The following DOCK2 variants were observed in gnomAD, a reference collection of about 807,000 sequenced individuals.
DOCK2 encodes dedicator of cytokinesis 2.
Under a neutral mutation model 248.9 loss-of-function variants are expected in DOCK2, and 87 were observed. The observed-to-expected ratio is 0.35, with a 90% CI of 0.29 to 0.42. The LOEUF (loss-of-function observed/expected upper bound fraction) is 0.42. Ranked by LOEUF, DOCK2 falls within the 10% of genes least tolerant of loss-of-function variation. The pLI, the probability that DOCK2 is intolerant of heterozygous loss-of-function variation, is 1.00. For missense variants in DOCK2, 1,747 were observed against 2,300.2 expected (o/e 0.76, Z 4.92); for synonymous variants, 805 against 821.6 (o/e 0.98, Z 0.35).
chr5:170,029,245 A>G (rs1756038669), intron 34 of DOCK2, among the ~76,000 whole-genome samples: 5 of 152,216 alleles, frequency 3.3e-5, no homozygotes, highest in African/African-American at 1.2e-4. Flanking sequence ...ACTTGTTAAT[A>G]TCTGTCTTAT....
At chr5:169,806,772 G>A (rs575623103) in intron 26 of DOCK2, among the ~76,000 whole-genome samples, 7 of 152,052 alleles carry the variant, frequency 4.6e-5, no homozygotes, top group Non-Finnish European at 8.8e-5. Context: ...AAAGGCCCCA[G>A]ACCCAGTCAC....
At chr5:169,650,972 G>A (rs1411519406) in intron 1 of DOCK2, among the ~76,000 whole-genome samples, 2 of 152,182 alleles carry the variant, frequency 1.3e-5, no homozygotes, top group African/African-American at 4.8e-5. Flanking sequence ...ATCTTTTGTG[G>A]ACAGGCACTG....
intron 27 of DOCK2, among the ~76,000 whole-genome samples, chr5:169,936,899 TTAA>T (rs1412176276): frequency 6.6e-6 from 1 of 152,220 alleles, no homozygotes; most frequent in Non-Finnish European, 1.5e-5. Context: ...AGCCAGACAC[TTAA>T]TAATTCAAAC....
In DOCK2 at chr5:169,714,023, T is replaced by C. The variant is rs1434967677; in HGVS notation, c.1660-5T>C. 5 of 1,589,116 alleles carry C rather than the reference T, an allele frequency of 3.1e-6. No individual in the cohort carries two copies. The highest frequency in any genetic ancestry group is 4.3e-6 in the Non-Finnish European group (5 of 1,164,470). On this transcript the variant is annotated splice_region_variant and splice_polypyrimidine_tract_variant and intron_variant, in intron 17 of 51. Transcript: ENST00000520908. ...CTTGGGGCAGTAACCAAGTGTTGTT[T>C]CCAGGGGGACAGCAAGAAGATGGAG...
chr5:169,657,952 C>T (rs904852194), intron 2 of DOCK2, among the ~76,000 whole-genome samples: 8 of 151,904 alleles, frequency 5.3e-5, no homozygotes, highest in Admixed American at 1.3e-4. Context: ...AAAGTTGAGA[C>T]TTGGGAGGAG....
chr5:169,806,801 C>T (rs1338763618), intron 26 of DOCK2, among the ~76,000 whole-genome samples: 1 of 151,988 alleles, frequency 6.6e-6, no homozygotes, highest in Non-Finnish European at 1.5e-5. Flanking sequence ...TGGGGAGGGA[C>T]GGGGAGGGGA....
At chr5:169,704,510 A>G (rs1178062362) in intron 14 of DOCK2, among the ~76,000 whole-genome samples, 1 of 152,134 alleles carries the variant, frequency 6.6e-6, no homozygotes, top group African/African-American at 2.4e-5. Flanking sequence ...CAGGGTTCAA[A>G]TTCCAGCCTC....
intron 27 of DOCK2, among the ~76,000 whole-genome samples, chr5:169,948,571 T>G (rs1294006664): frequency 6.6e-6 from 1 of 151,666 alleles, no homozygotes; most frequent in Non-Finnish European, 1.5e-5. Flanking sequence ...TATCCCTCCC[T>G]CCTTCCCTTC....
intron 27 of DOCK2, among the ~76,000 whole-genome samples, chr5:169,893,026 A>T (rs895895091): frequency 1.0e-4 from 15 of 150,018 alleles, no homozygotes; most frequent in African/African-American, 3.7e-4. Flanking sequence ...CTCTTCCTTC[A>T]TTTCTTTTGT....
intron 44 of DOCK2, among the ~76,000 whole-genome samples, chr5:170,065,045 C>T (rs1757445568): frequency 6.6e-6 from 1 of 151,980 alleles, no homozygotes; most frequent in Non-Finnish European, 1.5e-5. Flanking sequence ...TATAAAAAGA[C>T]ACCTAAAGCT....
intron 19 of DOCK2, 75 bp from the exon 20 acceptor site, chr5:169,716,134 ATAGT>A (rs778004616): frequency 2.2e-4 from 273 of 1,239,142 alleles, no homozygotes; most frequent in Non-Finnish European, 3.0e-4. Flanking sequence ...TCTCTTATAG[ATAGT>A]TAGGAGTGGG....
intron 36 of DOCK2, chr5:170,040,536 G>A (rs906108982): frequency 1.2e-5 from 2 of 162,234 alleles, no homozygotes; most frequent in African/African-American, 4.4e-5. Context: ...TCTGCAGAGA[G>A]GGGTAGGAAC....
intron 30 of DOCK2, among the ~76,000 whole-genome samples, chr5:170,000,906 T>C (rs1007623304): frequency 5.3e-5 from 8 of 152,122 alleles, no homozygotes; most frequent in South Asian, 2.1e-4. Context: ...TAATGGGAAA[T>C]GTAAACAGTG....
chr5:169,993,056 A>G (rs1474330353), intron 29 of DOCK2, among the ~76,000 whole-genome samples: 1 of 152,226 alleles, frequency 6.6e-6, no homozygotes, highest in Non-Finnish European at 1.5e-5. Flanking sequence ...TGGTGCTGAG[A>G]ATGTGTGAAA....
intron 23 of DOCK2, among the ~76,000 whole-genome samples, chr5:169,753,048 A>G (rs1411131554): frequency 1.3e-5 from 2 of 148,350 alleles, no homozygotes; most frequent in Non-Finnish European, 2.9e-5. Flanking sequence ...CTGGCGACAG[A>G]GCAAGACTCT....
At chr5:169,713,213 C>T (rs1197746163) in intron 17 of DOCK2, among the ~76,000 whole-genome samples, 1 of 152,236 alleles carries the variant, frequency 6.6e-6, no homozygotes, top group Non-Finnish European at 1.5e-5. Context: ...AGAATGTGAA[C>T]TCCTTGGGGT....
intron 23 of DOCK2, among the ~76,000 whole-genome samples, chr5:169,752,933 C>T (rs1286999882): frequency 3.3e-5 from 5 of 151,864 alleles, no homozygotes; most frequent in East Asian, 3.9e-4. Context: ...GGCGTGGTGG[C>T]GGGTGCCTGT....
At chr5:169,728,201 G>A (rs1762588937) in intron 22 of DOCK2, among the ~76,000 whole-genome samples, 3 of 152,160 alleles carry the variant, frequency 2.0e-5, no homozygotes, top group Admixed American at 2.0e-4. Context: ...GGAGTAGTGG[G>A]TTTTTATAGT....
Position 169,685,532 on chromosome 5 carries a change from G to A in DOCK2, c.761+1182G>A, listed in dbSNP as rs529927899. Among the ~76,000 whole-genome samples, 14 of 152,298 alleles carry A rather than the reference G, an allele frequency of 9.2e-5. No individual in the cohort carries two copies. In the East Asian group the frequency reaches 2.7e-3, roughly 29 times the overall value. On this transcript the variant is annotated intron_variant, in intron 8 of 51. Coordinates refer to ENST00000520908, the MANE Select transcript of DOCK2 (RefSeq NM_004946.3). ...GCCACCACGCCCGGCTAATTTTTAA[G>A]TTTTTGTAGAGGCACACATTAGAAA...
Sources: allele counts gnomAD v4.1 joint callset (sites outside exome capture counted in the v4.1 genomes callset), GRCh38; gene constraint gnomAD v4.1.1; transcripts MANE v1.5; gene names NCBI Gene and HGNC (gene_info 2026-07-23, HGNC 2026-07-21).